CPEB3: variants seen among roughly 807,000 people sequenced by gnomAD.
CPEB3 encodes cytoplasmic polyadenylation element-binding protein 3.
Under a neutral mutation model 67.2 loss-of-function variants are expected in CPEB3, and 20 were observed. The observed-to-expected ratio is 0.30, with a 90% CI of 0.21 to 0.43. CPEB3 has a LOEUF of 0.43. Among genes scored for constraint, CPEB3 ranks in the 20% least tolerant of loss-of-function variants. The pLI is 1.00. For missense variants in CPEB3, 746 were observed against 968.6 expected, an observed-to-expected ratio of 0.77 and a Z score of 3.05; for synonymous variants, 376 against 393.1, an observed-to-expected ratio of 0.96 and a Z score of 0.51.
chr10:92,258,232 T>G (rs1247877857), intron 1 of CPEB3, among the ~76,000 whole-genome samples: 1 of 151,510 alleles, frequency 6.6e-6, no homozygotes, highest in African/African-American at 2.4e-5. Context: ...CCTGAGTAGC[T>G]GGGATTAAAG....
intron 3 of CPEB3, among the ~76,000 whole-genome samples, chr10:92,185,365 G>A (rs1461673346): frequency 1.3e-5 from 2 of 152,186 alleles, no homozygotes; most frequent in African/African-American, 2.4e-5. Context: ...ATAAATAGGG[G>A]TGAGAGGGGA....
intron 5 of CPEB3, 115 bp downstream of exon 5, chr10:92,144,830 C>T (rs988887716): frequency 2.4e-6 from 2 of 837,894 alleles, no homozygotes; most frequent in Non-Finnish European, 3.8e-6. Flanking sequence ...AATAGTCTCA[C>T]CTCCTATGCA....
intron 9 of CPEB3, among the ~76,000 whole-genome samples, chr10:92,071,983 T>C (rs1842771408): frequency 6.6e-6 from 1 of 152,188 alleles, no homozygotes; most frequent in Admixed American, 6.5e-5. Flanking sequence ...GGTGCCATCT[T>C]TGGCTCTTAT....
intron 9 of CPEB3, among the ~76,000 whole-genome samples, chr10:92,073,075 T>G (rs1411739615): frequency 7.6e-6 from 1 of 132,102 alleles, no homozygotes; most frequent in Non-Finnish European, 1.6e-5. Flanking sequence ...TGAGATAGGG[T>G]CTCACTGTGT....
chr10:92,122,425 T>C (rs1845431618), intron 6 of CPEB3, among the ~76,000 whole-genome samples: 1 of 152,210 alleles, frequency 6.6e-6, no homozygotes, highest in African/African-American at 2.4e-5. Flanking sequence ...AATCCCTGCC[T>C]GCAGCGGAGA....
At chr10:92,207,819 G>A (rs974626834) in intron 2 of CPEB3, among the ~76,000 whole-genome samples, 2 of 151,586 alleles carry the variant, frequency 1.3e-5, no homozygotes, top group African/African-American at 4.9e-5. Context: ...GAAGTCAGCC[G>A]AGATCACACC....
chr10:92,093,821 A>T (rs1843727803), intron 7 of CPEB3, among the ~76,000 whole-genome samples: 1 of 151,238 alleles, frequency 6.6e-6, no homozygotes, highest in African/African-American at 2.4e-5. Context: ...ATTCTTTAAG[A>T]CTGCTACAAA....
intron 6 of CPEB3, among the ~76,000 whole-genome samples, chr10:92,111,729 T>G (rs1425398573): frequency 6.6e-6 from 1 of 152,192 alleles, no homozygotes; most frequent in African/African-American, 2.4e-5. Context: ...TTTCTAAAAT[T>G]GATTGTGCTG....
intron 4 of CPEB3, among the ~76,000 whole-genome samples, chr10:92,166,079 G>GC (rs2133983421): frequency 6.6e-6 from 1 of 152,012 alleles, no homozygotes; most frequent in South Asian, 2.1e-4. Context: ...ACAATCTATG[G>GC]CAAGTATTGC....
intron 2 of CPEB3, among the ~76,000 whole-genome samples, chr10:92,221,569 C>T (rs1021765881): frequency 2.6e-5 from 4 of 152,178 alleles, no homozygotes; most frequent in Non-Finnish European, 2.9e-5. Context: ...AGCTTTGCTG[C>T]TGTGGTCTGA....
chr10:92,066,076 GAC>G (rs1393069904), intron 9 of CPEB3, among the ~76,000 whole-genome samples: 1 of 151,700 alleles, frequency 6.6e-6, no homozygotes, highest in African/African-American at 2.4e-5. Context: ...CAAACTGGGT[GAC>G]AGAGTGAGAC....
chr10:92,049,983 A>C lies in CPEB3; in HGVS notation c.*2229T>G, dbSNP rs1469657836. 6.6e-6 allele frequency: 1 copy of C among 152,518 alleles called. No individual in the cohort carries two copies. The highest frequency in any genetic ancestry group is 1.5e-5 in the Non-Finnish European group (1 of 68,024). 9.4% of individuals were successfully genotyped at this position (152,518 alleles called of 1,614,324 possible). ...TATTTTTCTGAATAAACTTACTTAG[A>C]AAATATCATTTTCTTTCCTATATTT... On this transcript the variant is annotated 3_prime_UTR_variant, in exon 10 of 10. Transcript: ENST00000265997.
At chr10:92,236,132 A>T (rs1471810071) in intron 2 of CPEB3, among the ~76,000 whole-genome samples, 1 of 152,228 alleles carries the variant, frequency 6.6e-6, no homozygotes, top group Non-Finnish European at 1.5e-5. Context: ...TGAGAGGTAC[A>T]TCACCAAGAT....
intron 4 of CPEB3, among the ~76,000 whole-genome samples, chr10:92,174,180 T>A (rs1470072036): frequency 6.6e-6 from 1 of 152,162 alleles, no homozygotes; most frequent in East Asian, 1.9e-4. Context: ...GGTGCTCAGC[T>A]CCCTCTCTGC....
chr10:92,280,341 C>A (rs11186893), intron 1 of CPEB3, among the ~76,000 whole-genome samples: 6 of 43,920 alleles, frequency 1.4e-4, no homozygotes, highest in African/African-American at 6.3e-4. Flanking sequence ...AAAACTCCAT[C>A]TCAAAAAAAA....
intron 2 of CPEB3, among the ~76,000 whole-genome samples, chr10:92,213,349 T>C (rs1850187500): frequency 6.6e-6 from 1 of 152,178 alleles, no homozygotes; most frequent in African/African-American, 2.4e-5. Context: ...ATAAGAATTG[T>C]AAAGTGAAAT....
intron 6 of CPEB3, among the ~76,000 whole-genome samples, chr10:92,133,002 G>A (rs1435570597): frequency 6.6e-6 from 1 of 152,080 alleles, no homozygotes; most frequent in East Asian, 1.9e-4. Flanking sequence ...AGAATCTCTG[G>A]GACACATTTA....
intron 7 of CPEB3, among the ~76,000 whole-genome samples, chr10:92,107,395 T>C (rs1307048106): frequency 3.9e-5 from 6 of 152,154 alleles, no homozygotes; most frequent in Admixed American, 3.9e-4. Context: ...CCTCTGATAA[T>C]CCTTTCAAGG....
At chr10:92,087,158 G>A (rs963701743) in intron 8 of CPEB3, among the ~76,000 whole-genome samples, 1 of 152,156 alleles carries the variant, frequency 6.6e-6, no homozygotes, top group Non-Finnish European at 1.5e-5. Context: ...TAAAATGTCT[G>A]AAATAAATGA....
Sources: gnomAD v4.1 joint callset for allele counts (sites outside exome capture counted in the v4.1 genomes callset) on GRCh38, gnomAD v4.1.1 for gene constraint, MANE v1.5 for transcripts, NCBI Gene and HGNC (gene_info 2026-07-23, HGNC 2026-07-21) for gene names.